PCNT: variants seen among roughly 807,000 people sequenced by gnomAD.
The protein encoded by PCNT is kendrin.
In PCNT, 319 loss-of-function variants were observed where a neutral mutation model predicts 380.4. That is an observed-to-expected ratio of 0.84 (90% CI 0.77 to 0.92). The LOEUF is 0.92. Ranked by LOEUF, PCNT falls within the 40% of genes least tolerant of loss-of-function variation. The pLI, the probability that PCNT is intolerant of heterozygous loss-of-function variation, is 0.00. For synonymous variants in PCNT, 1,845 were observed against 1,735.2 expected (o/e 1.06, Z -1.57); for missense variants, 4,400 against 4,255.3 (o/e 1.03, Z -0.95).
Position 46,411,423 on chromosome 21 carries a change from C to A in PCNT, c.5350C>A (p.Arg1784Ser), listed in dbSNP as rs776352984. The A allele has an allele frequency of 6.2e-7, 1 of 1,612,876 alleles. No homozygotes were observed. Among genetic ancestry groups the A allele is most frequent in the Middle Eastern group, 1.7e-4 (1 of 6,012 alleles). ...GCTCTGCTCCCAGGCCGGGGGCCCTCGTGGGCAGGCCCTACAGGGCGAGCT... is the reference window on the plus strand; with the variant it reads ...GCTCTGCTCCCAGGCCGGGGGCCCTAGTGGGCAGGCCCTACAGGGCGAGCT... ...ELLCSQAGGP[R>S]GQALQGELEA... is the part of the protein sequence containing the mutation. The change falls in exon 28 of 47, where the codon CGT becomes AGT. Residue 1784 changes from arginine (R) to serine (S), a missense_variant. Arg to Ser is a moderately radical substitution (Grantham distance 110). Transcript: ENST00000359568.
chr21:46,375,605 C>T (rs956403387), intron 15 of PCNT, among the ~76,000 whole-genome samples: 6 of 134,458 alleles, frequency 4.5e-5, no homozygotes, highest in African/African-American at 1.0e-4. Flanking sequence ...TCCTTTGAGC[C>T]GGCCCGGTCA....
At chr21:46,377,259 C>T (rs1199734100) in intron 15 of PCNT, among the ~76,000 whole-genome samples, 4 of 152,204 alleles carry the variant, frequency 2.6e-5, no homozygotes, top group African/African-American at 7.2e-5. Flanking sequence ...GGGCAGGGAG[C>T]GGGAGCCGGC....
chr21:46,394,188 C>T (rs981824660), intron 21 of PCNT, among the ~76,000 whole-genome samples: 3 of 152,242 alleles, frequency 2.0e-5, no homozygotes, highest in East Asian at 3.8e-4. Context: ...CTGACGGTGG[C>T]GTGAACCCGG....
chr21:46,329,903 C>T (rs1251080024), intron 2 of PCNT, among the ~76,000 whole-genome samples: 1 of 152,180 alleles, frequency 6.6e-6, no homozygotes, highest in African/African-American at 2.4e-5. Context: ...ATGGCAGGGC[C>T]TGACTGATTT....
chr21:46,424,983 C>CAA (rs2087433801), intron 32 of PCNT, among the ~76,000 whole-genome samples: 2 of 152,166 alleles, frequency 1.3e-5, no homozygotes, highest in Non-Finnish European at 2.9e-5. Context: ...TTCAGTCAGT[C>CAA]ACACCCGTCG....
At chr21:46,347,312 C>T in intron 5 of PCNT, 145 bp from the exon 6 acceptor site, 1 of 829,080 alleles carries the variant, frequency 1.2e-6, no homozygotes, top group South Asian at 1.4e-5. Flanking sequence ...TTATTAAAGC[C>T]AAGCATCATC....
intron 16 of PCNT, among the ~76,000 whole-genome samples, chr21:46,383,280 G>T (rs1390961127): frequency 1.4e-5 from 2 of 146,370 alleles, no homozygotes; most frequent in South Asian, 2.3e-4. Context: ...TCACAGTGCT[G>T]TGCATTCAGC....
chr21:46,381,951 A>G, intron 16 of PCNT, 111 bp downstream of exon 16: 3 of 1,198,894 alleles, frequency 2.5e-6, no homozygotes, highest in Non-Finnish European at 3.7e-6. Flanking sequence ...GGTGTTGTGC[A>G]TTTATAGTGT....
chr21:46,403,574 C>T (rs1401097987), intron 27 of PCNT, among the ~76,000 whole-genome samples: 1 of 125,984 alleles, frequency 7.9e-6, no homozygotes, highest in African/African-American at 2.9e-5. Context: ...GTGGTGCCCA[C>T]GTGGCACATG....
intron 13 of PCNT, 38 bp from the exon 14 acceptor site, chr21:46,363,442 A>C: frequency 6.5e-7 from 1 of 1,528,816 alleles, no homozygotes; most frequent in African/African-American, 1.4e-5. Context: ...CTCTTCCATT[A>C]GCGTCTTTCC....
At chr21:46,395,023 G>A (rs996513313) in intron 21 of PCNT, among the ~76,000 whole-genome samples, 8 of 152,234 alleles carry the variant, frequency 5.3e-5, no homozygotes, top group African/African-American at 1.2e-4. Context: ...AGCCCAGGTC[G>A]TGTCCAGGCC....
intron 39 of PCNT, among the ~76,000 whole-genome samples, chr21:46,436,443 A>C (rs1239248738): frequency 9.4e-6 from 1 of 106,440 alleles, no homozygotes; most frequent in Non-Finnish European, 1.8e-5. Context: ...CTCACCACCC[A>C]CAGGGTCGGG....
At chr21:46,441,984 C>T (rs1259851137) in intron 43 of PCNT, among the ~76,000 whole-genome samples, 1 of 152,184 alleles carries the variant, frequency 6.6e-6, no homozygotes, top group African/African-American at 2.4e-5. Flanking sequence ...AGCAGGGCGT[C>T]TGGGGCCCTG....
At chr21:46,334,097 A>C (rs1288098187) in intron 2 of PCNT, among the ~76,000 whole-genome samples, 2 of 151,268 alleles carry the variant, frequency 1.3e-5, no homozygotes, top group Admixed American at 6.6e-5. Context: ...CCCAGCTACT[A>C]GGGAGGCTGA....
intron 27 of PCNT, among the ~76,000 whole-genome samples, chr21:46,403,242 G>A (rs2086492177): frequency 2.2e-5 from 3 of 136,464 alleles, no homozygotes; most frequent in South Asian, 2.2e-4. Flanking sequence ...GCGCATGCTC[G>A]GTGAATGAAC....
At chr21:46,344,517 C>G (rs1454451120) in intron 3 of PCNT, among the ~76,000 whole-genome samples, 1 of 152,266 alleles carries the variant, frequency 6.6e-6, no homozygotes, top group African/African-American at 2.4e-5. Flanking sequence ...CTAGCTTTTG[C>G]AACTGTATCA....
intron 13 of PCNT, among the ~76,000 whole-genome samples, chr21:46,360,239 T>TTA (rs1375016190): frequency 7.0e-6 from 1 of 143,346 alleles, no homozygotes; most frequent in Non-Finnish European, 1.5e-5. Context: ...TTTTTTTTTT[T>TTA]AAAGACGGAA....
Position 46,334,457 on chromosome 21 carries a change from A to C in PCNT, c.328A>C (p.Asn110His), listed in dbSNP as rs532555627. 1.1e-5 allele frequency: 18 copies of C among 1,614,250 alleles called. No homozygotes were observed. In the African/African-American group the frequency reaches 2.1e-4, roughly 19 times the overall value. The change falls in exon 3 of 47, where the codon AAT becomes CAT. Residue 110 changes from asparagine (N) to histidine (H), a missense_variant. Physicochemically the swap from Asn to His is moderately conservative, Grantham distance 68. Coordinates refer to ENST00000359568, the MANE Select transcript of PCNT (RefSeq NM_006031.6). ...DLEQLQQKQV[N>H]DHPPEQCGMF... ...GGAACAGCTGCAGCAGAAGCAAGTC[A>C]ATGACCATCCTCCAGAGCAGTGTGG...
chr21:46,405,808 T>C (rs1430710755), intron 27 of PCNT, among the ~76,000 whole-genome samples: 1 of 152,176 alleles, frequency 6.6e-6, no homozygotes, highest in Non-Finnish European at 1.5e-5. Context: ...TAATGAAAAA[T>C]ATATAAAAAA....
Sources: allele counts gnomAD v4.1 joint callset (sites outside exome capture counted in the v4.1 genomes callset), GRCh38; gene constraint gnomAD v4.1.1; transcripts MANE v1.5; gene names NCBI Gene and HGNC (gene_info 2026-07-23, HGNC 2026-07-21).